Variants in NPAS3 observed in about 807,000 individuals in gnomAD.
NPAS3 encodes neuronal PAS domain-containing protein 3.
NPAS3 carries 14 observed loss-of-function variants against 73.1 expected under a neutral mutation model. The observed-to-expected ratio is 0.19, with a 90% confidence interval of 0.13 to 0.30. The LOEUF is 0.30. NPAS3 is among the 10% of genes least tolerant of loss of function. The pLI, the probability that NPAS3 is intolerant of heterozygous loss-of-function variation, is 1.00. For missense variants in NPAS3, 1,096 were observed against 1,250.0 expected (o/e 0.88, Z 1.86); for synonymous variants, 620 against 541.5 (o/e 1.14, Z -2.01).
intron 2 of NPAS3, among the ~76,000 whole-genome samples, chr14:33,134,337 C>T (rs2043754369): frequency 6.6e-6 from 1 of 151,994 alleles, no homozygotes; most frequent in African/African-American, 2.4e-5. Context: ...TTCCCTTGAT[C>T]TCAGCATGGC....
At chr14:32,950,511 A>T (rs562065784) in intron 1 of NPAS3, among the ~76,000 whole-genome samples, 1 of 152,212 alleles carries the variant, frequency 6.6e-6, no homozygotes, top group African/African-American at 2.4e-5. Flanking sequence ...AAAGATCAGG[A>T]TCATTTAAAA....
chr14:33,462,840 T>C (rs1450301132), intron 4 of NPAS3, among the ~76,000 whole-genome samples: 1 of 152,186 alleles, frequency 6.6e-6, no homozygotes, highest in Non-Finnish European at 1.5e-5. Context: ...CATTCCCTTG[T>C]ATGAAAATGG....
intron 3 of NPAS3, among the ~76,000 whole-genome samples, chr14:33,254,358 T>A (rs2048699931): frequency 6.6e-6 from 1 of 152,130 alleles, no homozygotes; most frequent in African/African-American, 2.4e-5. Flanking sequence ...TTGCACTCTA[T>A]TGAGCAGGAT....
At chr14:33,144,511 T>A (rs2044170105) in intron 2 of NPAS3, among the ~76,000 whole-genome samples, 1 of 152,250 alleles carries the variant, frequency 6.6e-6, no homozygotes, top group Non-Finnish European at 1.5e-5. Flanking sequence ...TTCTGATGTA[T>A]TTCCCAGTTA....
chr14:33,462,450 T>C (rs2050315269), intron 4 of NPAS3, among the ~76,000 whole-genome samples: 1 of 152,154 alleles, frequency 6.6e-6, no homozygotes, highest in South Asian at 2.1e-4. Context: ...TCCTACAAGC[T>C]GACATGTTTA....
At chr14:33,253,996 G>A (rs2048683993) in intron 3 of NPAS3, among the ~76,000 whole-genome samples, 1 of 152,038 alleles carries the variant, frequency 6.6e-6, no homozygotes, top group African/African-American at 2.4e-5. Context: ...AATATAAACT[G>A]GGAAGTTAAC....
chr14:33,746,216 T>A (rs911322610), intron 7 of NPAS3, among the ~76,000 whole-genome samples: 1 of 149,776 alleles, frequency 6.7e-6, no homozygotes, highest in Non-Finnish European at 1.5e-5. Context: ...TGAGATGGAG[T>A]CTTTCTCTGT....
At chr14:33,647,168 A>G (rs894630635) in intron 5 of NPAS3, among the ~76,000 whole-genome samples, 1 of 152,176 alleles carries the variant, frequency 6.6e-6, no homozygotes, top group Admixed American at 6.5e-5. Flanking sequence ...AATGAACTAG[A>G]TAGTCTAAGT....
chr14:33,351,028 T>C (rs1431615072), intron 3 of NPAS3, among the ~76,000 whole-genome samples: 1 of 152,210 alleles, frequency 6.6e-6, no homozygotes, highest in African/African-American at 2.4e-5. Context: ...TTATTCCCCC[T>C]TTAATAGACT....
intron 5 of NPAS3, among the ~76,000 whole-genome samples, chr14:33,593,050 T>C (rs1180192983): frequency 6.6e-6 from 1 of 152,080 alleles, no homozygotes; most frequent in African/African-American, 2.4e-5. Context: ...ACCCCATTTA[T>C]AGTAGTGGGC....
chr14:33,055,961 A>C (rs1296970438), exon 2 of NPAS3: 1 of 810,396 alleles, frequency 1.2e-6, no homozygotes, highest in Admixed American at 2.0e-5. Flanking sequence ...ATCTACAGAT[A>C]TGACGGAATC....
At chr14:33,527,254 G>A (rs1027235456) in intron 4 of NPAS3, among the ~76,000 whole-genome samples, 1 of 152,142 alleles carries the variant, frequency 6.6e-6, no homozygotes, top group Middle Eastern at 3.2e-3. Context: ...AGTGAGCAGG[G>A]CATGGAAATG....
intron 1 of NPAS3, among the ~76,000 whole-genome samples, chr14:32,969,892 C>T (rs1449306954): frequency 6.6e-6 from 1 of 152,114 alleles, no homozygotes; most frequent in Admixed American, 6.6e-5. Context: ...AAAAGAATGT[C>T]ACATAGGATT....
intron 1 of NPAS3, among the ~76,000 whole-genome samples, chr14:33,005,274 A>G (rs2139601517): frequency 6.6e-6 from 1 of 152,258 alleles, no homozygotes; most frequent in South Asian, 2.1e-4. Flanking sequence ...GATAGCTACA[A>G]TGTCAGTAGG....
chr14:33,031,795 C>T (rs2040004616), intron 1 of NPAS3, among the ~76,000 whole-genome samples: 1 of 152,262 alleles, frequency 6.6e-6, no homozygotes, highest in Admixed American at 6.5e-5. Flanking sequence ...AGCCACTGTA[C>T]TTGGCCCTTG....
intron 6 of NPAS3, among the ~76,000 whole-genome samples, chr14:33,679,768 G>A (rs2140353023): frequency 6.6e-6 from 1 of 152,294 alleles, no homozygotes; most frequent in South Asian, 2.1e-4. Flanking sequence ...TGCCACAATA[G>A]GAATTCTGTC....
chr14:33,794,402 A>G (rs1441621826), intron 10 of NPAS3, among the ~76,000 whole-genome samples: 2 of 152,192 alleles, frequency 1.3e-5, no homozygotes, highest in East Asian at 3.9e-4. Flanking sequence ...CCCAGCACAC[A>G]CACACTCACA....
At chr14:33,380,471 G>GT (rs2046498525) in intron 4 of NPAS3, among the ~76,000 whole-genome samples, 1 of 152,096 alleles carries the variant, frequency 6.6e-6, no homozygotes, top group African/African-American at 2.4e-5. Flanking sequence ...GTCTCCAGCT[G>GT]TTTTTTAATA....
chr14:33,018,554 T>C (rs2039476179), intron 1 of NPAS3, among the ~76,000 whole-genome samples: 1 of 152,220 alleles, frequency 6.6e-6, no homozygotes, highest in Non-Finnish European at 1.5e-5. Context: ...TTGAAAAGAA[T>C]GCATTTTCTA....
Sources: allele counts gnomAD v4.1 joint callset (sites outside exome capture counted in the v4.1 genomes callset), GRCh38; gene constraint gnomAD v4.1.1; transcripts MANE v1.5; gene names NCBI Gene and HGNC (gene_info 2026-07-23, HGNC 2026-07-21).